Variants in TMEM181 observed in about 807,000 individuals in gnomAD.
TMEM181 encodes transmembrane protein 181.
Under a neutral mutation model 71.9 loss-of-function variants are expected in TMEM181, and 39 were observed. The observed-to-expected ratio is 0.54, with a 90% confidence interval of 0.42 to 0.71. The LOEUF (loss-of-function observed/expected upper bound fraction) is 0.71, where lower values mean the gene tolerates loss of function less well. TMEM181 is among the 30% of genes least tolerant of loss of function. The pLI is 0.00. For synonymous variants in TMEM181, 245 were observed against 228.8 expected, an observed-to-expected ratio of 1.07 and a Z score of -0.64; for missense variants, 595 against 583.0, an observed-to-expected ratio of 1.02 and a Z score of -0.21.
In TMEM181 at chr6:158,560,110, G is replaced by T; in HGVS notation, c.-115G>T. ...TCTGATGAGTTTTCCGCGGCCGGCC[G>T]CTGCTCAGCCGCTGTCGCTCCGGCT... On this transcript the variant is annotated 5_prime_UTR_variant, in exon 1 of 17. Transcript: ENST00000684151. The T allele has an allele frequency of 4.1e-6, 4 of 985,022 alleles. No homozygotes were observed. The highest frequency in any genetic ancestry group is 4.8e-6 in the Non-Finnish European group (4 of 829,802). 61.0% of individuals were successfully genotyped at this position (985,022 alleles called of 1,614,324 possible).
At chr6:158,625,798 CT>C (rs1786243383) in intron 13 of TMEM181, 44 bp downstream of exon 13, 3 of 1,542,952 alleles carry the variant, frequency 1.9e-6, no homozygotes, top group African/African-American at 1.4e-5. Flanking sequence ...CGGAATTTTT[CT>C]TTTACTGTCA....
At chr6:158,626,662 GAAT>G (rs1267043159) in intron 13 of TMEM181, 1 of 457,316 alleles carries the variant, frequency 2.2e-6, no homozygotes, top group East Asian at 6.9e-5. Context: ...AAGTCACTCA[GAAT>G]AATGCTGCAT....
intron 15 of TMEM181, 80 bp from the exon 16 acceptor site, chr6:158,631,243 C>G: frequency 2.7e-6 from 4 of 1,472,862 alleles, no homozygotes; most frequent in Non-Finnish European, 3.8e-6. Flanking sequence ...AACTCCCTTC[C>G]TTTGTCCGGG....
At chr6:158,595,997 C>T (rs1784369814) in intron 6 of TMEM181, among the ~76,000 whole-genome samples, 1 of 152,186 alleles carries the variant, frequency 6.6e-6, no homozygotes, top group Non-Finnish European at 1.5e-5. Flanking sequence ...TCTCGGCTCA[C>T]TGCAAGCTCC....
chr6:158,587,499 C>CTT (rs547125415), intron 5 of TMEM181, among the ~76,000 whole-genome samples: 3 of 146,290 alleles, frequency 2.1e-5, no homozygotes, highest in African/African-American at 5.0e-5. Flanking sequence ...TCTTATATTA[C>CTT]TTTTTTTTTT....
intron 13 of TMEM181, among the ~76,000 whole-genome samples, chr6:158,628,059 C>G (rs1397405969): frequency 2.0e-5 from 3 of 152,100 alleles, no homozygotes; most frequent in Non-Finnish European, 4.4e-5. Context: ...GAGATGGTCT[C>G]GAAAACCTGA....
intron 13 of TMEM181, among the ~76,000 whole-genome samples, chr6:158,627,469 G>A (rs1206664720): frequency 1.3e-5 from 2 of 152,192 alleles, no homozygotes; most frequent in African/African-American, 4.8e-5. Flanking sequence ...GACGAAACAA[G>A]GAGATGTGAC....
intron 1 of TMEM181, among the ~76,000 whole-genome samples, chr6:158,566,095 C>T (rs1782475449): frequency 6.6e-6 from 1 of 152,072 alleles, no homozygotes; most frequent in Admixed American, 6.5e-5. Context: ...TAGATTCTTC[C>T]CAGTCTCCTG....
chr6:158,631,998 G>A lies in TMEM181; in HGVS notation c.*110G>A, dbSNP rs996836244. 3.2e-5 allele frequency: 34 copies of A among 1,074,952 alleles called. No individual in the cohort carries two copies. Among genetic ancestry groups the A allele is most frequent in the Non-Finnish European group, 4.0e-5 (30 of 747,774 alleles). The allele number at this position is 1,074,952 out of a possible 1,614,324, so 66.6% of individuals were successfully genotyped here. A position where few individuals can be genotyped will look rare whatever the true frequency, so the allele number is the denominator to read the frequency against. ...TTTTTCTTACAAGCAGAGATTTCCT[G>A]TTCATTTGTTTACATATTTTTTTAA... On this transcript the variant is annotated 3_prime_UTR_variant, in exon 17 of 17. Transcript: ENST00000684151.
At chr6:158,592,476 C>CT (rs11285085) in intron 6 of TMEM181, among the ~76,000 whole-genome samples, 42 of 148,140 alleles carry the variant, frequency 2.8e-4, no homozygotes, top group South Asian at 1.1e-3. Flanking sequence ...GAGACCCCAT[C>CT]TTTTTTTTTT....
Position 158,621,390 on chromosome 6 carries a change from A to C in TMEM181, c.897-2160A>C, listed in dbSNP as rs573312958. On this transcript the variant is annotated intron_variant, in intron 10 of 16. Coordinates refer to ENST00000684151, the MANE Select transcript of TMEM181 (RefSeq NM_001376852.1). The stretch of plus-strand genomic sequence containing the variant: ...AAGATGAAGGTGCTCCTGCTCTGTC[A>C]AGGAGGAGGAGTTACTTCTGCGGCA... 30 of 210,398 alleles carry C rather than the reference A, an allele frequency of 1.4e-4. No individual in the cohort carries two copies. In the South Asian group the frequency reaches 3.0e-3, roughly 21 times the overall value. 13.0% of individuals were successfully genotyped at this position (210,398 alleles called of 1,614,324 possible). A position where few individuals can be genotyped will look rare whatever the true frequency, so the allele number is the denominator to read the frequency against.
intron 1 of TMEM181, among the ~76,000 whole-genome samples, chr6:158,562,008 A>G (rs1008663619): frequency 1.3e-5 from 2 of 152,142 alleles, no homozygotes; most frequent in African/African-American, 4.8e-5. Flanking sequence ...CCCAGAGGTG[A>G]GAAAGGTGAG....
At chr6:158,579,792 CATT>C (rs1783372157) in intron 2 of TMEM181, among the ~76,000 whole-genome samples, 1 of 152,088 alleles carries the variant, frequency 6.6e-6, no homozygotes, top group African/African-American at 2.4e-5. Flanking sequence ...ATTTTGAGGA[CATT>C]ATACTAAGTA....
At chr6:158,587,632 CTT>C (rs566949570) in intron 5 of TMEM181, among the ~76,000 whole-genome samples, 2 of 141,676 alleles carry the variant, frequency 1.4e-5, no homozygotes, top group African/African-American at 2.6e-5. Context: ...GCCTGGCTTC[CTT>C]TTTTTTTTTT....
At chr6:158,555,670 A>G (rs1413751645), upstream of TMEM181, among the ~76,000 whole-genome samples, 2 of 152,236 alleles carry the variant, frequency 1.3e-5, no homozygotes, top group Non-Finnish European at 2.9e-5. Flanking sequence ...AGAAGCCATA[A>G]TATACAGCTA....
chr6:158,551,774 T>C (rs1393556038), intron 1 of TMEM181, among the ~76,000 whole-genome samples: 1 of 152,230 alleles, frequency 6.6e-6, no homozygotes, highest in Non-Finnish European at 1.5e-5. Flanking sequence ...AACATTTGTA[T>C]TGATAACATA....
At chr6:158,581,271 C>T (rs1783454771) in intron 3 of TMEM181, among the ~76,000 whole-genome samples, 1 of 152,200 alleles carries the variant, frequency 6.6e-6, no homozygotes, top group South Asian at 2.1e-4. Context: ...CTAACTCATC[C>T]TGATTCCTTG....
intron 1 of TMEM181, among the ~76,000 whole-genome samples, chr6:158,569,836 G>A (rs1310614580): frequency 6.6e-6 from 1 of 152,180 alleles, no homozygotes; most frequent in African/African-American, 2.4e-5. Context: ...CCTGACCTCA[G>A]GTGATCTGCC....
At chr6:158,628,834 G>C (rs1305794794) in intron 14 of TMEM181, among the ~76,000 whole-genome samples, 1 of 152,222 alleles carries the variant, frequency 6.6e-6, no homozygotes, top group Non-Finnish European at 1.5e-5. Flanking sequence ...GGTAAATGAG[G>C]TGCGGTTGCC....
Sources: gnomAD v4.1 joint callset for allele counts (sites outside exome capture counted in the v4.1 genomes callset) on GRCh38, gnomAD v4.1.1 for gene constraint, MANE v1.5 for transcripts, NCBI Gene and HGNC (gene_info 2026-07-23, HGNC 2026-07-21) for gene names.